ABHD2: variants seen among roughly 807,000 people sequenced by gnomAD.
ABHD2 encodes monoacylglycerol lipase ABHD2.
A neutral mutation model predicts 48.1 loss-of-function variants in ABHD2; 20 were observed. The observed-to-expected ratio is 0.42, with a 90% CI of 0.29 to 0.60. The LOEUF (loss-of-function observed/expected upper bound fraction) is 0.60, where lower values mean the gene tolerates loss of function less well. Ranked by LOEUF, ABHD2 falls within the 20% of genes least tolerant of loss-of-function variation. ABHD2 has a pLI of 0.24. For missense variants in ABHD2, 405 were observed against 550.9 expected (o/e 0.74, Z 2.65); for synonymous variants, 209 against 214.2 (o/e 0.98, Z 0.21).
At position 89,118,202 on chromosome 15, in the gene ABHD2, G is replaced by A. The variant is rs554432163; in HGVS notation, c.194+1681G>A. ...TTCTTTTTTTCTTTCTTTTTTTTTTGAGACAGAGTCTCACTCTGTCACCCG... is the reference window on the plus strand; with the variant it reads ...TTCTTTTTTTCTTTCTTTTTTTTTTAAGACAGAGTCTCACTCTGTCACCCG... On this transcript the variant is annotated intron_variant, in intron 3 of 10. Coordinates refer to ENST00000352732, the MANE Select transcript of ABHD2 (RefSeq NM_152924.5). Among the ~76,000 whole-genome samples, 23 of 142,134 alleles carry A rather than the reference G, an allele frequency of 1.6e-4. No homozygotes were observed. In the East Asian group the frequency reaches 3.1e-3, roughly 19 times the overall value. The allele number at this position is 142,134 out of a possible 152,430, so 93.2% of individuals were successfully genotyped here.
rs2049970817 is a variant in ABHD2, at chr15:89,116,979, T to G, written c.194+458T>G. ...CAAGCATTAGCTAAGAGAATGCACTTAAAGAGAGTGCTTTGTATGAGTGAA... is the reference window on the plus strand; with the variant it reads ...CAAGCATTAGCTAAGAGAATGCACTGAAAGAGAGTGCTTTGTATGAGTGAA... On this transcript the variant is annotated intron_variant, in intron 3 of 10. Coordinates refer to ENST00000352732, the MANE Select transcript of ABHD2 (RefSeq NM_152924.5). This position sits in a 1 kb window ranked among gnomAD's most constrained non-coding sequence, Gnocchi z 4.6. Among the ~76,000 whole-genome samples, 1 of 152,188 alleles carries G rather than the reference T, an allele frequency of 6.6e-6. No homozygotes were observed. Among genetic ancestry groups the G allele is most frequent in the Non-Finnish European group, 1.5e-5 (1 of 68,030 alleles).
intron 1 of ABHD2, among the ~76,000 whole-genome samples, chr15:89,113,044 C>T (rs1050550231): frequency 1.3e-5 from 2 of 152,226 alleles, no homozygotes; most frequent in Non-Finnish European, 2.9e-5. Context: ...CATGTTCTCT[C>T]TTTTGCTTCT....
At chr15:89,172,899 C>G (rs2050952781) in intron 5 of ABHD2, among the ~76,000 whole-genome samples, 1 of 152,184 alleles carries the variant, frequency 6.6e-6, no homozygotes. Context: ...TTCTAAGCCT[C>G]CAGAAAGGAG....
chr15:89,124,466 A>G (rs2050101937), intron 3 of ABHD2, among the ~76,000 whole-genome samples: 1 of 152,246 alleles, frequency 6.6e-6, no homozygotes, highest in Non-Finnish European at 1.5e-5. Flanking sequence ...TTATTTATTT[A>G]TAGCAAGTTA....
chr15:89,140,461 C>CT (rs201242807), intron 3 of ABHD2, among the ~76,000 whole-genome samples: 29 of 151,232 alleles, frequency 1.9e-4, no homozygotes, highest in Middle Eastern at 3.4e-3. Flanking sequence ...TGAATTTCTT[C>CT]TTTTTTTTTA....
the ABHD2 span, among the ~76,000 whole-genome samples, chr15:89,061,418 C>G: frequency 0.2 from 29,907 of 150,436 alleles, 3,576 homozygotes; most frequent in East Asian, 0.36. Context: ...AATTCCATCT[C>G]GGAAAAAAAA....
At chr15:89,126,403 T>A (rs144336837) in intron 3 of ABHD2, among the ~76,000 whole-genome samples, 3 of 152,346 alleles carry the variant, frequency 2.0e-5, no homozygotes, top group Non-Finnish European at 2.9e-5. Flanking sequence ...TGTGGTTGAC[T>A]GAAAATTGCT....
upstream of ABHD2, chr15:89,087,333 AT>A (rs1359452981): frequency 2.6e-5 from 4 of 152,198 alleles, no homozygotes; most frequent in African/African-American, 4.8e-5. This position sits in a 1 kb window ranked among gnomAD's most constrained non-coding sequence, Gnocchi z 5.5. Flanking sequence ...CGCTCCTCTC[AT>A]TTCATCCCCT....
At chr15:89,111,518 C>T (rs2049874803) in intron 1 of ABHD2, among the ~76,000 whole-genome samples, 1 of 152,154 alleles carries the variant, frequency 6.6e-6, no homozygotes, top group Non-Finnish European at 1.5e-5. Flanking sequence ...TAATGGGGCT[C>T]CTAGAGAGAC....
At chr15:89,162,177 A>T (rs1014658799) in intron 5 of ABHD2, among the ~76,000 whole-genome samples, 1 of 152,194 alleles carries the variant, frequency 6.6e-6, no homozygotes, top group African/African-American at 2.4e-5. Flanking sequence ...TGGGAGAGAC[A>T]CTATTCAGCC....
Position 89,088,616 on chromosome 15 carries a change from G to A in ABHD2, c.-107+53G>A, listed in dbSNP as rs575706913. ...GGAGCGGGGATCGCACCCCGGACCC[G>A]TCGAACCGAATCTCCGAGCCCCGAG... On this transcript the variant is annotated intron_variant, in intron 1 of 10. Transcript: ENST00000352732. This position sits in a 1 kb window ranked among gnomAD's most constrained non-coding sequence, Gnocchi z 6.8. The A allele has an allele frequency of 2.0e-5, 3 of 152,446 alleles. No homozygotes were observed. In the East Asian group the frequency reaches 5.8e-4, roughly 29 times the overall value. 9.4% of individuals were successfully genotyped at this position (152,446 alleles called of 1,614,324 possible).
chr15:89,180,619 G>T (rs1182351119), intron 6 of ABHD2, among the ~76,000 whole-genome samples: 1 of 152,182 alleles, frequency 6.6e-6, no homozygotes, highest in African/African-American at 2.4e-5. Context: ...GAACCTTCTG[G>T]CTGGGTCTTT....
At position 89,100,595 on chromosome 15, in the gene ABHD2, C is replaced by G. The variant is rs2049686165; in HGVS notation, c.-107+12032C>G. Among the ~76,000 whole-genome samples the G allele has an allele frequency of 6.6e-6, 1 of 152,154 alleles. No homozygotes were observed. The highest frequency in any genetic ancestry group is 6.6e-5 in the Admixed American group (1 of 15,266). On this transcript the variant is annotated intron_variant, in intron 1 of 10. Coordinates refer to ENST00000352732, the MANE Select transcript of ABHD2 (RefSeq NM_152924.5). This position sits in a 1 kb window ranked among gnomAD's most constrained non-coding sequence, Gnocchi z 4.4. ...TTAAAAAGGAACCTTATTGGCCAGG[C>G]AAAGTGGCTCACGCCTGTAATCCCA...
chr15:89,117,784 A>G (rs1395783369), intron 3 of ABHD2, among the ~76,000 whole-genome samples: 1 of 152,206 alleles, frequency 6.6e-6, no homozygotes, highest in African/African-American at 2.4e-5. Flanking sequence ...AGAGCAGACA[A>G]ATAGGCAATG....
At chr15:89,042,336 C>T in the ABHD2 span, among the ~76,000 whole-genome samples, 2 of 152,268 alleles carry the variant, frequency 1.3e-5, no homozygotes, top group South Asian at 4.1e-4. Flanking sequence ...ACCCTACTCC[C>T]TCAAACATCT....
chr15:89,051,365 A>T, the ABHD2 span, among the ~76,000 whole-genome samples: 6 of 152,358 alleles, frequency 3.9e-5, no homozygotes, highest in South Asian at 1.2e-3. Context: ...TTCACTCTCA[A>T]GAATCCTAAG....
In ABHD2 at chr15:89,176,780, A is replaced by G. The variant is rs1246439744; in HGVS notation, c.722+785A>G. On this transcript the variant is annotated intron_variant, in intron 6 of 10. Coordinates refer to ENST00000352732, the MANE Select transcript of ABHD2 (RefSeq NM_152924.5). This position sits in a 1 kb window ranked among gnomAD's most constrained non-coding sequence, Gnocchi z 4.5. Reference sequence around the variant, plus strand: ...TGTCTTTCGTTTTACCAATGAGTATAACCAGTTATTAAAAATCTGATGAAA... The same window carrying G: ...TGTCTTTCGTTTTACCAATGAGTATGACCAGTTATTAAAAATCTGATGAAA... Among the ~76,000 whole-genome samples the G allele has an allele frequency of 6.6e-6, 1 of 152,220 alleles. No homozygotes were observed. The highest frequency in any genetic ancestry group is 2.4e-5 in the African/African-American group (1 of 41,452).
At chr15:89,099,686 G>A (rs1174327100) in intron 1 of ABHD2, among the ~76,000 whole-genome samples, 2 of 151,576 alleles carry the variant, frequency 1.3e-5, no homozygotes, top group African/African-American at 2.4e-5. Flanking sequence ...TTGGGAGGCC[G>A]AGGTAAGTGG....
intron 2 of ABHD2, among the ~76,000 whole-genome samples, chr15:89,115,677 G>A (rs1335583033): frequency 6.6e-6 from 1 of 152,190 alleles, no homozygotes; most frequent in African/African-American, 2.4e-5. Context: ...CAGGATCGCT[G>A]CGACCTGGGC....
Sources: gnomAD v4.1 joint callset for allele counts (sites outside exome capture counted in the v4.1 genomes callset) on GRCh38, gnomAD v4.1.1 for gene constraint, Gnocchi (gnomAD v3.1) non-coding constraint, MANE v1.5 for transcripts, NCBI Gene and HGNC (gene_info 2026-07-23, HGNC 2026-07-21) for gene names.